SOX5: variants seen among roughly 807,000 people sequenced by gnomAD.
SOX5 encodes SRY-box transcription factor 5, also known as transcription factor SOX-5.
In SOX5, 9 loss-of-function variants were observed where a neutral mutation model predicts 92.0. The observed-to-expected ratio is 0.10, with a 90% confidence interval of 0.06 to 0.17. The LOEUF (loss-of-function observed/expected upper bound fraction) is 0.17. Ranked by LOEUF, SOX5 falls within the 10% of genes least tolerant of loss-of-function variation. The probability of loss-of-function intolerance (pLI) is 1.00; values close to 1 mark genes in which losing one functional copy is unlikely to be tolerated. For missense variants in SOX5, 642 were observed against 944.5 expected, an observed-to-expected ratio of 0.68 and a Z score of 4.20; for synonymous variants, 344 against 336.3, an observed-to-expected ratio of 1.02 and a Z score of -0.25.
chr12:23,632,354 A>T (rs904950636), intron 8 of SOX5, among the ~76,000 whole-genome samples: 1 of 152,182 alleles, frequency 6.6e-6, no homozygotes, highest in Non-Finnish European at 1.5e-5. Flanking sequence ...TATGAAAATG[A>T]TACGACCTAA....
At chr12:23,575,110 A>G (rs775862910) in intron 10 of SOX5, among the ~76,000 whole-genome samples, 1 of 152,230 alleles carries the variant, frequency 6.6e-6, no homozygotes, top group Non-Finnish European at 1.5e-5. Context: ...AAGTCAGCTT[A>G]TAGAAGTGTT....
chr12:24,004,827 T>C (rs947321231), intron 4 of SOX5, among the ~76,000 whole-genome samples: 1 of 152,098 alleles, frequency 6.6e-6, no homozygotes, highest in African/African-American at 2.4e-5. Context: ...CATAGCAGCA[T>C]TAGTCACAAT....
At chr12:24,157,463 C>A (rs1952303941) in intron 4 of SOX5, among the ~76,000 whole-genome samples, 1 of 152,104 alleles carries the variant, frequency 6.6e-6, no homozygotes, top group African/African-American at 2.4e-5. Context: ...CAACTTGTTT[C>A]TCACCTTTCA....
At chr12:24,012,904 T>G (rs1343627982) in intron 4 of SOX5, among the ~76,000 whole-genome samples, 1 of 152,108 alleles carries the variant, frequency 6.6e-6, no homozygotes, top group Non-Finnish European at 1.5e-5. Context: ...CCTAAATCTA[T>G]TCAGTAGAAG....
chr12:23,943,883 G>A (rs1434015686), intron 1 of SOX5, among the ~76,000 whole-genome samples: 1 of 152,006 alleles, frequency 6.6e-6, no homozygotes, highest in Non-Finnish European at 1.5e-5. Context: ...CAAGCTGGGT[G>A]ACAAAAGGGC....
chr12:24,382,383 A>C (rs540496284), intron 1 of SOX5, among the ~76,000 whole-genome samples: 3 of 152,206 alleles, frequency 2.0e-5, no homozygotes, highest in East Asian at 3.9e-4. Flanking sequence ...AGCAACGGGC[A>C]GTATGGTAGT....
At chr12:24,033,731 T>C (rs368073413) in intron 4 of SOX5, among the ~76,000 whole-genome samples, 92 of 152,040 alleles carry the variant, frequency 6.1e-4, no homozygotes, top group African/African-American at 2.1e-3. Context: ...TTCCAGAAAA[T>C]CCGTCTGTAG....
chr12:24,108,599 C>CA (rs1308715064), intron 4 of SOX5, among the ~76,000 whole-genome samples: 1 of 152,070 alleles, frequency 6.6e-6, no homozygotes, highest in Non-Finnish European at 1.5e-5. Flanking sequence ...AGCCTATTAA[C>CA]AAATTCAGAA....
At chr12:23,831,365 A>C (rs1451998034) in intron 3 of SOX5, among the ~76,000 whole-genome samples, 2 of 152,128 alleles carry the variant, frequency 1.3e-5, no homozygotes, top group Non-Finnish European at 2.9e-5. Context: ...TGTCCAATCC[A>C]GTCCCACAAA....
chr12:24,270,548 G>C (rs1032630147), intron 3 of SOX5, among the ~76,000 whole-genome samples: 1 of 152,126 alleles, frequency 6.6e-6, no homozygotes, highest in South Asian at 2.1e-4. Context: ...TATATGTACA[G>C]AATATGTTCA....
At chr12:23,785,594 T>C (rs2095363922) in intron 3 of SOX5, among the ~76,000 whole-genome samples, 1 of 152,198 alleles carries the variant, frequency 6.6e-6, no homozygotes, top group Non-Finnish European at 1.5e-5. Flanking sequence ...GTTTATTGTT[T>C]TGTTTTTATC....
rs906291290 is a variant in SOX5, at chr12:23,529,586, T to TAAAC, written c.*4629_*4632dup. On this transcript the variant is annotated 3_prime_UTR_variant, in exon 15 of 15. Transcript: ENST00000451604. ...GAGAATGCAAAAAAATAAAATAAAA[T>TAAAC]AAACAAAAAACAAAAACGAAAAACA... 2 of 151,796 alleles carry TAAAC rather than the reference T, an allele frequency of 1.3e-5. No individual in the cohort carries two copies. Among genetic ancestry groups the TAAAC allele is most frequent in the African/African-American group, 4.8e-5 (2 of 41,342 alleles). 9.4% of individuals were successfully genotyped at this position (151,796 alleles called of 1,614,324 possible).
rs1010175157 is a variant in SOX5 at position 23,582,199 on chromosome 12, C to T, written c.1165-6361G>A. On this transcript the variant is annotated intron_variant, in intron 9 of 14. Coordinates refer to ENST00000451604, the MANE Select transcript of SOX5 (RefSeq NM_006940.6). ...TGTGCAGCACTCATCCTTTCTCTTT[C>T]GTCTTCTACCTCTATGGACTGTGGG... 1.9e-5 allele frequency: 19 copies of T among 985,116 alleles called. 1 individual carries two copies. The South Asian group carries it at 5.2e-4, about 27-fold the overall frequency. 61.0% of individuals were successfully genotyped at this position (985,116 alleles called of 1,614,324 possible).
rs73280147 is a variant in SOX5 at position 23,885,137 on chromosome 12, T to C, written c.270+10656A>G. Among the ~76,000 whole-genome samples the C allele has an allele frequency of 4.7e-3, 721 of 152,236 alleles. 5 individuals carry two copies. Among genetic ancestry groups the C allele is most frequent in the African/African-American group, 0.017 (690 of 41,532 alleles). Reference sequence around the variant, plus strand: ...ATGAATACTGATAACAGCCTAGCAATCTCTCCTACTCCAGGATGTGTGTTT... The same window carrying C: ...ATGAATACTGATAACAGCCTAGCAACCTCTCCTACTCCAGGATGTGTGTTT... On this transcript the variant is annotated intron_variant, in intron 2 of 14. Transcript: ENST00000451604.
At chr12:23,953,258 A>G (rs1484893152), upstream of SOX5, among the ~76,000 whole-genome samples, 1 of 152,118 alleles carries the variant, frequency 6.6e-6, no homozygotes, top group Non-Finnish European at 1.5e-5. Context: ...TGATCCAATC[A>G]ATACAATGTT....
At chr12:24,485,408 CCAAA>C (rs1946416195) in intron 1 of SOX5, among the ~76,000 whole-genome samples, 1 of 152,116 alleles carries the variant, frequency 6.6e-6, no homozygotes, top group South Asian at 2.1e-4. Context: ...ACAGAATTGT[CCAAA>C]CAAATTGTGA....
At chr12:23,711,567 A>AT (rs983180807) in intron 6 of SOX5, among the ~76,000 whole-genome samples, 1 of 151,596 alleles carries the variant, frequency 6.6e-6, no homozygotes, top group African/African-American at 2.4e-5. Flanking sequence ...CTAATACATT[A>AT]TTTTTTTCTG....
At chr12:23,772,861 A>G (rs1330558348) in intron 3 of SOX5, among the ~76,000 whole-genome samples, 4 of 152,216 alleles carry the variant, frequency 2.6e-5, no homozygotes, top group African/African-American at 9.6e-5. Flanking sequence ...ACCATATTAA[A>G]AAGTAATTTA....
chr12:23,722,548 T>C (rs763320983), intron 6 of SOX5, among the ~76,000 whole-genome samples: 13 of 152,378 alleles, frequency 8.5e-5, no homozygotes, highest in Non-Finnish European at 1.8e-4. Flanking sequence ...TATAAATGAT[T>C]AACCTTGGAT....
Sources: allele counts gnomAD v4.1 joint callset (sites outside exome capture counted in the v4.1 genomes callset), GRCh38; gene constraint gnomAD v4.1.1; transcripts MANE v1.5; gene names NCBI Gene and HGNC (gene_info 2026-07-23, HGNC 2026-07-21).